SGCD: variants seen among roughly 807,000 people sequenced by gnomAD.
The protein encoded by SGCD is delta-sarcoglycan.
A neutral mutation model predicts 36.6 loss-of-function variants in SGCD; 18 were observed. The ratio of observed to expected loss-of-function variants is 0.49; its 90% confidence interval spans 0.34 to 0.73. The LOEUF (loss-of-function observed/expected upper bound fraction) is 0.73. Ranked by LOEUF, SGCD falls within the 30% of genes least tolerant of loss-of-function variation. The pLI is 0.01. For synonymous variants in SGCD, 133 were observed against 130.6 expected (o/e 1.02, Z -0.12); for missense variants, 387 against 346.7 (o/e 1.12, Z -0.92).
chr5:155,926,924 C>CA (rs1757007016), intron 1 of SGCD, among the ~76,000 whole-genome samples: 1 of 152,224 alleles, frequency 6.6e-6, no homozygotes, highest in African/African-American at 2.4e-5. Context: ...AGTACCTTGG[C>CA]AATGTCCAGA....
intron 1 of SGCD, among the ~76,000 whole-genome samples, chr5:156,097,406 T>C (rs1761406772): frequency 6.6e-6 from 1 of 152,192 alleles, no homozygotes; most frequent in Non-Finnish European, 1.5e-5. Context: ...TTTATTTTTA[T>C]TTTCCGGTCT....
intron 1 of SGCD, among the ~76,000 whole-genome samples, chr5:155,979,943 G>A (rs1226405816): frequency 6.6e-6 from 1 of 152,130 alleles, no homozygotes; most frequent in Admixed American, 6.5e-5. Flanking sequence ...AATGGTATTA[G>A]GAGGTGGGGC....
chr5:156,536,906 T>C (rs565457142), intron 4 of SGCD, among the ~76,000 whole-genome samples: 3 of 152,280 alleles, frequency 2.0e-5, no homozygotes, highest in South Asian at 4.1e-4. Context: ...TCTTCTGATG[T>C]GCGAGCTGCT....
intron 1 of SGCD, among the ~76,000 whole-genome samples, chr5:156,024,255 G>A (rs1561686235): frequency 6.6e-6 from 1 of 151,936 alleles, no homozygotes; most frequent in East Asian, 1.9e-4. Context: ...ATACCCCAAT[G>A]GGATGGTGAT....
At chr5:155,842,349 T>C in the SGCD span, among the ~76,000 whole-genome samples, 2 of 143,932 alleles carry the variant, frequency 1.4e-5, no homozygotes, top group African/African-American at 5.3e-5. Context: ...CTGAGGTGGG[T>C]GGATCACAAA....
intron 3 of SGCD, among the ~76,000 whole-genome samples, chr5:156,130,961 T>A (rs1224227817): frequency 6.6e-6 from 1 of 152,130 alleles, no homozygotes; most frequent in Non-Finnish European, 1.5e-5. Flanking sequence ...ACTCCTGACC[T>A]TATGTGATCC....
rs70984404 is a variant in SGCD, at chr5:156,333,783, A to ATTTTTTTTTTTTTTTTTTTTTTTTTTT, written c.3+4215_3+4241dup. 4.5e-4 allele frequency among the ~76,000 whole-genome samples: 9 copies of ATTTTTTTTTTTTTTTTTTTTTTTTTTT among 19,966 alleles called. 2 individuals are homozygous for ATTTTTTTTTTTTTTTTTTTTTTTTTTT. Among genetic ancestry groups the ATTTTTTTTTTTTTTTTTTTTTTTTTTT allele is most frequent in the East Asian group, 2.0e-3 (2 of 978 alleles). 13.1% of individuals were successfully genotyped at this position (19,966 alleles called of 152,430 possible). A position where few individuals can be genotyped will look rare whatever the true frequency, so the allele number is the denominator to read the frequency against. On this transcript the variant is annotated intron_variant, in intron 2 of 8. Transcript: ENST00000337851. ...GTGCTTTCTTTATGTTAGAAAAGTG[A>ATTTTTTTTTTTTTTTTTTTTTTTTTTT]TTTTTTTTTTTTTTTTTTTTTTTTT...
chr5:155,919,869 G>A (rs1185219607), intron 1 of SGCD, among the ~76,000 whole-genome samples: 1 of 152,144 alleles, frequency 6.6e-6, no homozygotes, highest in African/African-American at 2.4e-5. Flanking sequence ...CTGGAAAACA[G>A]AAAGACCCCC....
At chr5:155,913,923 G>A (rs1756685503) in intron 1 of SGCD, among the ~76,000 whole-genome samples, 1 of 152,114 alleles carries the variant, frequency 6.6e-6, no homozygotes, top group Non-Finnish European at 1.5e-5. Flanking sequence ...ATGAATATAG[G>A]CTAGAAATCT....
At chr5:155,811,250 A>G in the SGCD span, among the ~76,000 whole-genome samples, 5 of 152,184 alleles carry the variant, frequency 3.3e-5, no homozygotes, top group Non-Finnish European at 7.3e-5. Flanking sequence ...TATCACATGT[A>G]AAACTGTGGC....
At chr5:155,808,613 T>C in the SGCD span, among the ~76,000 whole-genome samples, 1 of 152,294 alleles carries the variant, frequency 6.6e-6, no homozygotes, top group South Asian at 2.1e-4. Flanking sequence ...AGAATCCAAA[T>C]AGCAAAAACA....
chr5:156,481,115 G>A (rs1037234007), intron 3 of SGCD, among the ~76,000 whole-genome samples: 2 of 152,138 alleles, frequency 1.3e-5, no homozygotes, highest in Non-Finnish European at 2.9e-5. Context: ...GGTAAAGATT[G>A]GTATAATTAA....
chr5:156,209,068 C>T (rs1023145829), intron 3 of SGCD, among the ~76,000 whole-genome samples: 1 of 152,142 alleles, frequency 6.6e-6, no homozygotes, highest in Non-Finnish European at 1.5e-5. Flanking sequence ...ACTCTAACAC[C>T]AGGCTTATTG....
chr5:156,127,911 G>A (rs936286803), intron 3 of SGCD, among the ~76,000 whole-genome samples: 8 of 64,036 alleles, frequency 1.2e-4, no homozygotes, highest in Non-Finnish European at 2.5e-4. Flanking sequence ...ACAAAAGCTA[G>A]AATACCTTTG....
At chr5:156,242,407 A>T (rs1471341126) in intron 3 of SGCD, among the ~76,000 whole-genome samples, 3 of 152,200 alleles carry the variant, frequency 2.0e-5, no homozygotes, top group Non-Finnish European at 4.4e-5. Context: ...TGTTCTGTGT[A>T]TTGACTCAGG....
At chr5:156,400,262 A>G (rs1357564120) in intron 3 of SGCD, among the ~76,000 whole-genome samples, 3 of 152,134 alleles carry the variant, frequency 2.0e-5, no homozygotes, top group Non-Finnish European at 2.9e-5. Context: ...TGCTGCTGCT[A>G]TTGGTGAGAG....
chr5:155,853,027 A>ATT, the SGCD span, among the ~76,000 whole-genome samples: 1 of 150,022 alleles, frequency 6.7e-6, no homozygotes, highest in Non-Finnish European at 1.5e-5. Context: ...GCATTTCCAT[A>ATT]GGCTAAATAT....
At chr5:156,741,691 T>C (rs1756681958) in intron 7 of SGCD, among the ~76,000 whole-genome samples, 1 of 152,120 alleles carries the variant, frequency 6.6e-6, no homozygotes, top group Non-Finnish European at 1.5e-5. Flanking sequence ...GGTCAGGGCT[T>C]TGCCTCGTGT....
chr5:156,017,404 A>T (rs1759008992), intron 1 of SGCD, among the ~76,000 whole-genome samples: 1 of 151,834 alleles, frequency 6.6e-6, no homozygotes, highest in African/African-American at 2.4e-5. Context: ...ATAGATAAAA[A>T]CTTTTATGTT....
Sources: gnomAD v4.1 joint callset for allele counts (sites outside exome capture counted in the v4.1 genomes callset) on GRCh38, gnomAD v4.1.1 for gene constraint, MANE v1.5 for transcripts, NCBI Gene and HGNC (gene_info 2026-07-23, HGNC 2026-07-21) for gene names.